The following ALPL variants were observed in gnomAD, a reference collection of about 807,000 sequenced individuals.
ALPL encodes alkaline phosphatase, tissue-nonspecific isozyme.
A neutral mutation model predicts 51.3 loss-of-function variants in ALPL; 42 were observed. The observed-to-expected ratio is 0.82, with a 90% CI of 0.64 to 1.06. The LOEUF is 1.06. ALPL is among the 50% of genes least tolerant of loss of function. ALPL has a pLI of 0.00. For synonymous variants in ALPL, 279 were observed against 296.4 expected (o/e 0.94, Z 0.60); for missense variants, 589 against 709.4 (o/e 0.83, Z 1.93).
At chr1:21,537,992 G>A (rs1644132371) in intron 1 of ALPL, among the ~76,000 whole-genome samples, 1 of 152,216 alleles carries the variant, frequency 6.6e-6, no homozygotes, top group Admixed American at 6.5e-5. Context: ...GGAGCAATGA[G>A]GGCGTTGGTG....
chr1:21,552,594 TAG>T (rs1644346973), intron 1 of ALPL, among the ~76,000 whole-genome samples: 1 of 152,178 alleles, frequency 6.6e-6, no homozygotes, highest in Non-Finnish European at 1.5e-5. Flanking sequence ...AAATTTTTCT[TAG>T]AGACAGGGTC....
chr1:21,537,286 C>T (rs1397543360), intron 1 of ALPL, among the ~76,000 whole-genome samples: 2 of 152,214 alleles, frequency 1.3e-5, no homozygotes, highest in Non-Finnish European at 2.9e-5. Flanking sequence ...CTTGAATATT[C>T]AGCGAGGACT....
chr1:21,575,102 A>G (rs1570302628), intron 9 of ALPL, among the ~76,000 whole-genome samples: 1 of 152,352 alleles, frequency 6.6e-6, no homozygotes, highest in African/African-American at 2.4e-5. Flanking sequence ...AACCTGCCAC[A>G]GGCACTGCCC....
chr1:21,577,385 CACA>C lies in ALPL; in HGVS notation c.1318_1320del (p.Asn440del), dbSNP rs771212957. 6.2e-7 allele frequency: 1 copy of C among 1,613,292 alleles called. No homozygotes were observed. The highest frequency in any genetic ancestry group is 8.5e-7 in the Non-Finnish European group (1 of 1,179,964). ...CAGGTGTTTCCCCTGGCCCACAGCT[CACA>C]ACAACTACCAGGCGCAGTCTGCTGT... On this transcript the variant is annotated inframe_deletion, in exon 12 of 12. Transcript: ENST00000374840.
intron 6 of ALPL, among the ~76,000 whole-genome samples, chr1:21,566,537 C>T (rs1224793733): frequency 2.6e-5 from 4 of 152,038 alleles, no homozygotes; most frequent in Non-Finnish European, 4.4e-5. Context: ...GTGATCCGCC[C>T]GTTTTGGCCT....
intron 1 of ALPL, among the ~76,000 whole-genome samples, chr1:21,551,729 T>C (rs1479153977): frequency 7.8e-6 from 1 of 127,592 alleles, no homozygotes; most frequent in African/African-American, 2.8e-5. Flanking sequence ...GTTTTTTTTT[T>C]TTTTTTTTTT....
intron 4 of ALPL, 103 bp downstream of exon 4, chr1:21,561,315 C>T: frequency 9.8e-7 from 1 of 1,019,414 alleles, no homozygotes; most frequent in Non-Finnish European, 1.5e-6. Flanking sequence ...CCTGAGCCCC[C>T]TCCATGCCCA....
chr1:21,566,075 TCTC>T (rs1388120512), intron 6 of ALPL, among the ~76,000 whole-genome samples: 1 of 151,702 alleles, frequency 6.6e-6, no homozygotes, highest in Admixed American at 6.6e-5. Flanking sequence ...GGGGTCCCCT[TCTC>T]CTTCTTCTCC....
chr1:21,552,907 T>C (rs1644352421), intron 1 of ALPL, among the ~76,000 whole-genome samples: 1 of 152,218 alleles, frequency 6.6e-6, no homozygotes, highest in African/African-American at 2.4e-5. Context: ...AGTGAAACTC[T>C]TGCCACTTAA....
intron 6 of ALPL, among the ~76,000 whole-genome samples, chr1:21,567,267 T>C (rs1351840120): frequency 6.6e-6 from 1 of 152,164 alleles, no homozygotes; most frequent in Admixed American, 6.5e-5. Context: ...AAGAGAACAC[T>C]AGTGTGGTGG....
intron 8 of ALPL, 41 bp downstream of exon 8, chr1:21,570,415 C>T (rs945123904): frequency 1.1e-5 from 17 of 1,602,900 alleles, no homozygotes; most frequent in Non-Finnish European, 1.5e-5. Flanking sequence ...TGGCTCGGAG[C>T]CTGGTGGCCG....
intron 6 of ALPL, among the ~76,000 whole-genome samples, chr1:21,565,554 C>A (rs1644550752): frequency 7.1e-6 from 1 of 141,638 alleles, no homozygotes; most frequent in Admixed American, 7.7e-5. Context: ...GAGCAGGGGA[C>A]AGGAACTTGA....
chr1:21,563,604 G>A (rs907633554), intron 5 of ALPL, among the ~76,000 whole-genome samples: 5 of 152,172 alleles, frequency 3.3e-5, no homozygotes, highest in Non-Finnish European at 7.4e-5. Context: ...CTAGCCTGTG[G>A]GGTGCAGTCC....
chr1:21,561,632 C>T (rs963775567), intron 4 of ALPL, among the ~76,000 whole-genome samples: 2 of 150,274 alleles, frequency 1.3e-5, no homozygotes, highest in African/African-American at 2.4e-5. Flanking sequence ...CTTGGGATTA[C>T]AGGCGTGAGC....
chr1:21,519,462 C>T (rs147797293), intron 1 of ALPL, among the ~76,000 whole-genome samples: 20 of 152,316 alleles, frequency 1.3e-4, no homozygotes, highest in Middle Eastern at 6.8e-3. Context: ...TTTACACATG[C>T]GCAGCACAGC....
In ALPL at chr1:21,517,529, T is replaced by C. The variant is rs190385856; in HGVS notation, c.-105+8012T>C. Among the ~76,000 whole-genome samples, 5 of 152,220 alleles carry C rather than the reference T, an allele frequency of 3.3e-5. No homozygotes were observed. In the South Asian group the frequency reaches 1.0e-3, roughly 32 times the overall value. On this transcript the variant is annotated intron_variant, in intron 1 of 11. Coordinates refer to ENST00000374840, the MANE Select transcript of ALPL (RefSeq NM_000478.6). ...GGCCCCAGGGGGAGGAGACAGAACA[T>C]AGACACACCTGGTGGGGCACCAGCG...
chr1:21,531,592 A>G (rs1237897087), intron 1 of ALPL, among the ~76,000 whole-genome samples: 1 of 152,234 alleles, frequency 6.6e-6, no homozygotes, highest in Non-Finnish European at 1.5e-5. Flanking sequence ...TTCTGGGAGG[A>G]CACGGAGTCA....
chr1:21,573,732 C>T lies in ALPL; in HGVS notation c.930C>T (p.Ser310=), dbSNP rs750783677. 1.8e-5 allele frequency: 29 copies of T among 1,614,134 alleles called. No individual in the cohort carries two copies. The highest frequency in any genetic ancestry group is 2.7e-5 in the African/African-American group (2 of 75,036). The change falls in exon 9 of 12, where the codon TCC becomes TCT. Residue 310 remains serine, a synonymous_variant. Coordinates refer to ENST00000374840, the MANE Select transcript of ALPL (RefSeq NM_000478.6). ...ACAACGTGACGGACCCGTCACTCTCCGAGATGGTGGTGGTGGCCATCCAGA... is the reference window on the plus strand; with the variant it reads ...ACAACGTGACGGACCCGTCACTCTCTGAGATGGTGGTGGTGGCCATCCAGA... The part of the protein sequence containing the change: ...NRNNVTDPSL[S]EMVVVAIQIL...
At chr1:21,511,387 C>T (rs1643684379) in intron 1 of ALPL, among the ~76,000 whole-genome samples, 1 of 152,176 alleles carries the variant, frequency 6.6e-6, no homozygotes, top group Non-Finnish European at 1.5e-5. Flanking sequence ...CTGTGGAGAT[C>T]AATAGTGCCT....
Sources: gnomAD v4.1 joint callset for allele counts (sites outside exome capture counted in the v4.1 genomes callset) on GRCh38, gnomAD v4.1.1 for gene constraint, MANE v1.5 for transcripts, NCBI Gene and HGNC (gene_info 2026-07-23, HGNC 2026-07-21) for gene names.